TMEM232: variants seen among roughly 807,000 people sequenced by gnomAD.
TMEM232 encodes the protein transmembrane protein 232.
A neutral mutation model predicts 78.8 loss-of-function variants in TMEM232; 80 were observed. That is an observed-to-expected ratio of 1.01 (90% CI 0.85 to 1.22). The LOEUF (loss-of-function observed/expected upper bound fraction) is 1.22, where lower values mean the gene tolerates loss of function less well. Among genes scored for constraint, TMEM232 ranks in the 50% most tolerant of loss-of-function variants. The pLI, the probability that TMEM232 is intolerant of heterozygous loss-of-function variation, is 0.00. For missense variants in TMEM232, 881 were observed against 742.2 expected (o/e 1.19, Z -2.17); for synonymous variants, 297 against 254.3 (o/e 1.17, Z -1.60).
chr5:110,695,302 AGT>A (rs1378578534), intron 1 of TMEM232, among the ~76,000 whole-genome samples: 1 of 152,238 alleles, frequency 6.6e-6, no homozygotes, highest in Non-Finnish European at 1.5e-5. Context: ...CATTCAAAGC[AGT>A]GTGTAGAGGG....
intron 12 of TMEM232, chr5:110,430,134 A>C (rs1214303299): frequency 2.0e-5 from 3 of 151,678 alleles, no homozygotes; most frequent in African/African-American, 7.3e-5. Context: ...CAGAAAAAAA[A>C]AACTAATTAA....
intron 1 of TMEM232, among the ~76,000 whole-genome samples, chr5:110,716,532 C>G (rs772584895): frequency 6.6e-6 from 1 of 152,130 alleles, no homozygotes; most frequent in Non-Finnish European, 1.5e-5. Flanking sequence ...CTTGCATGCA[C>G]AGTTCACAAT....
chr5:110,628,327 G>A (rs1337622367), intron 5 of TMEM232, among the ~76,000 whole-genome samples: 1 of 152,018 alleles, frequency 6.6e-6, no homozygotes, highest in Non-Finnish European at 1.5e-5. Context: ...TTATTTCTAA[G>A]CATCTCTGTC....
intron 1 of TMEM232, among the ~76,000 whole-genome samples, chr5:110,700,981 CT>C (rs1795381135): frequency 6.6e-6 from 1 of 151,830 alleles, no homozygotes; most frequent in Non-Finnish European, 1.5e-5. Context: ...TAAATCAAAA[CT>C]TTTGCCTTTA....
chr5:110,716,004 C>T (rs114179560), intron 1 of TMEM232, among the ~76,000 whole-genome samples: 1,837 of 152,162 alleles, frequency 0.012, 45 homozygotes, highest in African/African-American at 0.041. Flanking sequence ...TGTCCTGGAA[C>T]CCACCACTCC....
chr5:110,669,161 A>T (rs1672515570), intron 1 of TMEM232, among the ~76,000 whole-genome samples: 1 of 152,014 alleles, frequency 6.6e-6, no homozygotes, highest in African/African-American at 2.4e-5. Context: ...AGACACAAAA[A>T]ACACTTCAAA....
chr5:110,535,657 C>T (rs1465411291), intron 11 of TMEM232, among the ~76,000 whole-genome samples: 1 of 151,992 alleles, frequency 6.6e-6, no homozygotes, highest in African/African-American at 2.4e-5. Context: ...TACAGTATTG[C>T]ACAAATGAAG....
chr5:110,406,855 T>C (rs575485829), intron 2 of TMEM232, among the ~76,000 whole-genome samples: 2 of 152,106 alleles, frequency 1.3e-5, no homozygotes, highest in Non-Finnish European at 2.9e-5. Flanking sequence ...TGAGGTTAGA[T>C]TGTAGATTTT....
intron 12 of TMEM232, among the ~76,000 whole-genome samples, chr5:110,510,004 G>C (rs1767529805): frequency 6.6e-6 from 1 of 151,914 alleles, no homozygotes; most frequent in African/African-American, 2.4e-5. Flanking sequence ...CCTAAGGCTT[G>C]GTTTGTTTTT....
At chr5:110,670,614 C>A (rs988842469) in intron 1 of TMEM232, among the ~76,000 whole-genome samples, 2 of 151,978 alleles carry the variant, frequency 1.3e-5, no homozygotes, top group Non-Finnish European at 2.9e-5. Flanking sequence ...GAATGTAAAG[C>A]AAATGGGATT....
intron 11 of TMEM232, among the ~76,000 whole-genome samples, chr5:110,543,262 G>A (rs137886865): frequency 1.1e-4 from 16 of 152,052 alleles, no homozygotes; most frequent in Admixed American, 3.9e-4. Flanking sequence ...CCTCTTTCTC[G>A]GCAAAATGAA....
chr5:110,592,676 CA>C (rs555411617), intron 10 of TMEM232, among the ~76,000 whole-genome samples: 128 of 152,102 alleles, frequency 8.4e-4, no homozygotes, highest in African/African-American at 2.9e-3. Flanking sequence ...AAAACAAAAA[CA>C]AAAAACAAAC....
intron 12 of TMEM232, among the ~76,000 whole-genome samples, chr5:110,501,806 T>G (rs139314702): frequency 2.0e-5 from 3 of 152,230 alleles, no homozygotes; most frequent in African/African-American, 7.2e-5. Context: ...GCTATCAAAG[T>G]GTAAAAGAGG....
At chr5:110,677,678 G>A (rs1314299828) in intron 1 of TMEM232, among the ~76,000 whole-genome samples, 1 of 152,004 alleles carries the variant, frequency 6.6e-6, no homozygotes, top group African/African-American at 2.4e-5. Context: ...AATTTGTTTG[G>A]GTGTAGAGTA....
At chr5:110,489,123 G>A (rs1384297236) in intron 12 of TMEM232, among the ~76,000 whole-genome samples, 3 of 151,806 alleles carry the variant, frequency 2.0e-5, no homozygotes, top group Admixed American at 1.3e-4. Flanking sequence ...AATTCTACCA[G>A]ATATTTAAAG....
intron 1 of TMEM232, among the ~76,000 whole-genome samples, chr5:110,680,951 G>A (rs1449923345): frequency 1.3e-5 from 2 of 151,976 alleles, no homozygotes; most frequent in Non-Finnish European, 2.9e-5. Context: ...GAGAAAGGAG[G>A]AAGAAAAGGG....
At chr5:110,596,599 CA>C (rs1446021260) in intron 10 of TMEM232, among the ~76,000 whole-genome samples, 1 of 152,078 alleles carries the variant, frequency 6.6e-6, no homozygotes, top group Non-Finnish European at 1.5e-5. Context: ...GATGAACATT[CA>C]TGCAAAAATC....
chr5:110,494,073 A>G (rs991890331), intron 12 of TMEM232, among the ~76,000 whole-genome samples: 2 of 152,036 alleles, frequency 1.3e-5, no homozygotes, highest in African/African-American at 4.8e-5. Context: ...AGTTTCACCC[A>G]TGTCCCTGCT....
intron 2 of TMEM232, among the ~76,000 whole-genome samples, chr5:110,646,307 C>G (rs1787467444): frequency 6.6e-6 from 1 of 151,738 alleles, no homozygotes; most frequent in Admixed American, 6.6e-5. Flanking sequence ...GGAGGAATCA[C>G]ATTTCCTGAC....
Sources: gnomAD v4.1 joint callset for allele counts (sites outside exome capture counted in the v4.1 genomes callset) on GRCh38, gnomAD v4.1.1 for gene constraint, MANE v1.5 for transcripts, NCBI Gene and HGNC (gene_info 2026-07-23, HGNC 2026-07-21) for gene names.